EFCAB6: variants seen among roughly 807,000 people sequenced by gnomAD.
EFCAB6 encodes EF-hand calcium-binding domain-containing protein 6.
A neutral mutation model predicts 169.8 loss-of-function variants in EFCAB6; 156 were observed. The ratio of observed to expected loss-of-function variants is 0.92; its 90% confidence interval spans 0.81 to 1.05. The LOEUF (loss-of-function observed/expected upper bound fraction) is 1.05. Ranked by LOEUF, EFCAB6 falls within the 50% of genes least tolerant of loss-of-function variation. EFCAB6 has a pLI of 0.00. For synonymous variants in EFCAB6, 698 were observed against 676.4 expected (o/e 1.03, Z -0.50); for missense variants, 1,800 against 1,829.1 (o/e 0.98, Z 0.29).
At position 43,543,638 on chromosome 22, in the gene EFCAB6, G is replaced by A. The variant is rs117413740; in HGVS notation, c.3649-3281C>T. Among the ~76,000 whole-genome samples, 368 of 152,260 alleles carry A rather than the reference G, an allele frequency of 2.4e-3. 6 individuals carry two copies. In the East Asian group the frequency reaches 0.037, roughly 15 times the overall value. On this transcript the variant is annotated intron_variant, in intron 27 of 31. Transcript: ENST00000262726. ...TCCTCTACAAAGCAGAGGTCTGAGG[G>A]GATGAGCCCAATAGCCGCCAGAGAC...
chr22:43,554,240 A>G (rs1478184097), intron 27 of EFCAB6: 1 of 153,250 alleles, frequency 6.5e-6, no homozygotes, highest in Non-Finnish European at 1.5e-5. Flanking sequence ...GTCCTCCTGC[A>G]CAAATAACAA....
At chr22:43,721,867 T>C (rs1262162195) in intron 8 of EFCAB6, among the ~76,000 whole-genome samples, 2 of 152,002 alleles carry the variant, frequency 1.3e-5, no homozygotes, top group African/African-American at 4.8e-5. Context: ...CAAAAGCAAT[T>C]GCAACAAAAA....
At chr22:43,608,085 T>C (rs1386805923) in intron 22 of EFCAB6, among the ~76,000 whole-genome samples, 1 of 152,182 alleles carries the variant, frequency 6.6e-6, no homozygotes, top group South Asian at 2.1e-4. Context: ...CTATAGGTAA[T>C]GGGGAGAAAC....
At chr22:43,706,729 A>G (rs2058973879) in intron 10 of EFCAB6, among the ~76,000 whole-genome samples, 2 of 152,190 alleles carry the variant, frequency 1.3e-5, no homozygotes, top group Admixed American at 1.3e-4. Context: ...CTTTCTCTGG[A>G]TGGAATGGCT....
At chr22:43,704,270 C>T (rs1004634486) in intron 10 of EFCAB6, among the ~76,000 whole-genome samples, 2 of 151,724 alleles carry the variant, frequency 1.3e-5, no homozygotes, top group South Asian at 2.1e-4. Context: ...CCCAGAAAAA[C>T]TGTTTTTCAG....
chr22:43,784,562 T>TATATGTGTATATATACACACAC (rs1569487253), intron 2 of EFCAB6, among the ~76,000 whole-genome samples: 1 of 77,084 alleles, frequency 1.3e-5, no homozygotes, highest in Non-Finnish European at 2.4e-5. Context: ...TATATACACA[T>TATATGTGTATATATACACACAC]ATATATGTGT....
At chr22:43,764,513 G>A (rs2061266389) in intron 5 of EFCAB6, among the ~76,000 whole-genome samples, 1 of 152,180 alleles carries the variant, frequency 6.6e-6, no homozygotes, top group African/African-American at 2.4e-5. Context: ...ATGAGTGCAT[G>A]TGTCTTTTGG....
chr22:43,697,226 C>G (rs753553521), intron 10 of EFCAB6, among the ~76,000 whole-genome samples: 2 of 152,144 alleles, frequency 1.3e-5, no homozygotes, highest in Non-Finnish European at 2.9e-5. Flanking sequence ...CATTACCTAA[C>G]GTAAACCTTA....
chr22:43,640,816 A>G (rs2055747939), intron 17 of EFCAB6, among the ~76,000 whole-genome samples: 1 of 152,164 alleles, frequency 6.6e-6, no homozygotes, highest in Admixed American at 6.5e-5. Flanking sequence ...CAGTGTTTAT[A>G]CTTGGTATCT....
In EFCAB6 at chr22:43,530,868, T is replaced by C. The variant is rs1242695592; in HGVS notation, c.4330A>G (p.Lys1444Glu). The C allele has an allele frequency of 6.2e-7, 1 of 1,614,108 alleles. No homozygotes were observed. The highest frequency in any genetic ancestry group is 1.1e-5 in the South Asian group (1 of 91,088). The change falls in exon 31 of 32, where the codon AAA (lysine) becomes GAA (glutamate). Residue 1444 changes from lysine to glutamate, a missense_variant. Coordinates refer to ENST00000262726, the MANE Select transcript of EFCAB6 (RefSeq NM_022785.4). ...HCWRPMRRTF[K>E]SYDEAGTGLL... ...CCTGTTCCAGCCTCATCATAGCTTT[T>C]GAACGTGCGCCGCATTGGCCTCCAG...
intron 15 of EFCAB6, among the ~76,000 whole-genome samples, chr22:43,671,413 G>T (rs1043247410): frequency 6.6e-6 from 1 of 152,040 alleles, no homozygotes; most frequent in Non-Finnish European, 1.5e-5. Context: ...TGAGTTGATT[G>T]TGTATCATTA....
chr22:43,676,299 C>T (rs1178557158), intron 13 of EFCAB6, among the ~76,000 whole-genome samples: 1 of 151,654 alleles, frequency 6.6e-6, no homozygotes, highest in South Asian at 2.1e-4. Flanking sequence ...CGCCTATAGT[C>T]CCAGCTACTT....
intron 2 of EFCAB6, among the ~76,000 whole-genome samples, chr22:43,789,872 C>CAT (rs990310581): frequency 1.3e-5 from 2 of 151,848 alleles, no homozygotes; most frequent in Non-Finnish European, 2.9e-5. Context: ...CACACACACA[C>CAT]ACACACACAC....
chr22:43,622,382 T>C (rs552783832), intron 20 of EFCAB6, among the ~76,000 whole-genome samples: 2 of 152,282 alleles, frequency 1.3e-5, no homozygotes, highest in Admixed American at 1.3e-4. Context: ...CTGGCCAACA[T>C]GGTGAAACCT....
intron 4 of EFCAB6, among the ~76,000 whole-genome samples, chr22:43,772,236 T>C (rs2061494923): frequency 6.6e-6 from 1 of 152,178 alleles, no homozygotes; most frequent in Non-Finnish European, 1.5e-5. Flanking sequence ...TAGCATTGGC[T>C]CTAGCATAAA....
chr22:43,753,777 G>A (rs534750019), intron 6 of EFCAB6, among the ~76,000 whole-genome samples: 6 of 152,310 alleles, frequency 3.9e-5, no homozygotes, highest in East Asian at 3.9e-4. Context: ...TTATTTGCTG[G>A]TGTAGGAAGG....
chr22:43,679,136 T>C (rs2057899571), intron 12 of EFCAB6, among the ~76,000 whole-genome samples: 1 of 152,228 alleles, frequency 6.6e-6, no homozygotes, highest in Non-Finnish European at 1.5e-5. Flanking sequence ...AGAAATCTCG[T>C]GCACATTTGC....
chr22:43,620,902 A>C (rs2054070228), intron 20 of EFCAB6, among the ~76,000 whole-genome samples: 1 of 152,108 alleles, frequency 6.6e-6, no homozygotes, highest in Admixed American at 6.6e-5. Flanking sequence ...AGAACACTCC[A>C]CCCAACAGCA....
Position 43,687,480 on chromosome 22 carries a change from T to C in EFCAB6, c.1133A>G (p.Lys378Arg), listed in dbSNP as rs1444150332. 1 of 1,547,634 alleles carries C rather than the reference T, an allele frequency of 6.5e-7. No homozygotes were observed. The highest frequency in any genetic ancestry group is 8.7e-7 in the Non-Finnish European group (1 of 1,150,406). The change falls in exon 11 of 32, where the codon AAA becomes AGA. Residue 378 changes from lysine to arginine, a missense_variant. By Grantham distance (26) the Lys-to-Arg change is conservative. Transcript: ENST00000262726. Reference sequence around the variant, plus strand: ...TTTTTTTTTTACATACCTATTTCTTTTTGTCAGGGGACCTTTACTGCTAAC... The same window carrying C: ...TTTTTTTTTTACATACCTATTTCTTCTTGTCAGGGGACCTTTACTGCTAAC... ...LQVSSKGPLT[K>R]RNSINSRNES...
Sources: allele counts gnomAD v4.1 joint callset (sites outside exome capture counted in the v4.1 genomes callset), GRCh38; gene constraint gnomAD v4.1.1; transcripts MANE v1.5; gene names NCBI Gene and HGNC (gene_info 2026-07-23, HGNC 2026-07-21).